Variants in ST6GALNAC3 observed in about 807,000 individuals in gnomAD.
ST6GALNAC3 encodes alpha-N-acetylgalactosaminide alpha-2,6-sialyltransferase 3.
ST6GALNAC3 carries 25 observed loss-of-function variants against 32.7 expected under a neutral mutation model. The ratio of observed to expected loss-of-function variants is 0.76; its 90% CI spans 0.56 to 1.07. ST6GALNAC3 has a LOEUF of 1.07. Among genes scored for constraint, ST6GALNAC3 ranks in the 50% least tolerant of loss-of-function variants. The pLI is 0.00. For synonymous variants in ST6GALNAC3, 129 were observed against 133.1 expected (o/e 0.97, Z 0.21); for missense variants, 355 against 382.4 (o/e 0.93, Z 0.60).
intron 3 of ST6GALNAC3, among the ~76,000 whole-genome samples, chr1:76,468,797 G>A (rs1658823710): frequency 6.6e-6 from 1 of 151,988 alleles, no homozygotes; most frequent in Non-Finnish European, 1.5e-5. Context: ...TTTGGCAATA[G>A]CAAAAACTAT....
intron 2 of ST6GALNAC3, among the ~76,000 whole-genome samples, chr1:76,361,984 A>AT (rs202173705): frequency 0.25 from 29,696 of 117,246 alleles, 3,634 homozygotes; most frequent in East Asian, 0.67. Context: ...TATCAAAAAA[A>AT]AAAAAAAAAG....
chr1:76,174,546 CCTAT>C (rs1019779318), intron 1 of ST6GALNAC3, among the ~76,000 whole-genome samples: 7 of 151,678 alleles, frequency 4.6e-5, no homozygotes, highest in African/African-American at 9.7e-5. Context: ...TATCTACCTA[CCTAT>C]CTGTCTACCT....
chr1:76,408,494 CCCAATGTTTG>C (rs1485041499), intron 2 of ST6GALNAC3, among the ~76,000 whole-genome samples: 2 of 152,060 alleles, frequency 1.3e-5, no homozygotes, highest in Non-Finnish European at 2.9e-5. Context: ...GGCTGTTGTT[CCCAATGTTTG>C]CCCTCAAGTT....
At chr1:76,618,771 C>T (rs542014520) in intron 3 of ST6GALNAC3, among the ~76,000 whole-genome samples, 1 of 152,068 alleles carries the variant, frequency 6.6e-6, no homozygotes, top group African/African-American at 2.4e-5. Flanking sequence ...AAATGGGAAC[C>T]ATGTGATGCT....
At chr1:76,545,866 T>C (rs1169326204) in intron 3 of ST6GALNAC3, among the ~76,000 whole-genome samples, 1 of 151,982 alleles carries the variant, frequency 6.6e-6, no homozygotes, top group Non-Finnish European at 1.5e-5. Context: ...TCCATGTTGG[T>C]CAGGCTGGTC....
chr1:76,557,335 A>G (rs1664988962), intron 3 of ST6GALNAC3, among the ~76,000 whole-genome samples: 1 of 151,982 alleles, frequency 6.6e-6, no homozygotes, highest in South Asian at 2.1e-4. Flanking sequence ...TTATCCTTTC[A>G]TAGGATTGCT....
At chr1:76,613,039 G>T (rs1648038878) in intron 3 of ST6GALNAC3, among the ~76,000 whole-genome samples, 1 of 152,182 alleles carries the variant, frequency 6.6e-6, no homozygotes, top group Non-Finnish European at 1.5e-5. Context: ...AAAAGCAGGA[G>T]GATGGCCTTG....
At chr1:76,420,210 C>G (rs1654937480) in intron 3 of ST6GALNAC3, among the ~76,000 whole-genome samples, 2 of 152,042 alleles carry the variant, frequency 1.3e-5, no homozygotes, top group Non-Finnish European at 2.9e-5. Flanking sequence ...CCAGGCCCGG[C>G]CATCCTGTTC....
intron 1 of ST6GALNAC3, among the ~76,000 whole-genome samples, chr1:76,258,012 G>C (rs898825756): frequency 6.6e-6 from 1 of 152,076 alleles, no homozygotes; most frequent in Non-Finnish European, 1.5e-5. Flanking sequence ...TTTGTCTCAT[G>C]TGCCCCTGAA....
intron 1 of ST6GALNAC3, among the ~76,000 whole-genome samples, chr1:76,252,561 TA>T (rs1657684245): frequency 6.6e-6 from 1 of 152,046 alleles, no homozygotes; most frequent in Non-Finnish European, 1.5e-5. Context: ...CTTTTTTTTT[TA>T]AATTTCTTGG....
At chr1:76,478,276 C>T (rs1307825989) in intron 3 of ST6GALNAC3, among the ~76,000 whole-genome samples, 1 of 152,192 alleles carries the variant, frequency 6.6e-6, no homozygotes, top group Non-Finnish European at 1.5e-5. Flanking sequence ...ACTCACCTTG[C>T]AGTTGCCATC....
At chr1:76,083,006 A>C (rs1000093163) in intron 1 of ST6GALNAC3, among the ~76,000 whole-genome samples, 1 of 152,194 alleles carries the variant, frequency 6.6e-6, no homozygotes, top group African/African-American at 2.4e-5. Context: ...CTTTTCTGGA[A>C]GGGACTTCTC....
chr1:76,605,229 T>C (rs1172827369), intron 3 of ST6GALNAC3, among the ~76,000 whole-genome samples: 1 of 152,148 alleles, frequency 6.6e-6, no homozygotes. Flanking sequence ...AGATGATATT[T>C]CTGAGTATTA....
At chr1:76,105,902 T>G (rs1326475140) in intron 1 of ST6GALNAC3, among the ~76,000 whole-genome samples, 1 of 152,216 alleles carries the variant, frequency 6.6e-6, no homozygotes, top group African/African-American at 2.4e-5. Context: ...TTAGCTTTTT[T>G]TATGAGAGAC....
At chr1:76,080,278 G>A (rs986071559) in intron 1 of ST6GALNAC3, among the ~76,000 whole-genome samples, 6 of 148,644 alleles carry the variant, frequency 4.0e-5, no homozygotes, top group African/African-American at 1.5e-4. Flanking sequence ...TTTGCTGAAT[G>A]TATCAGTGGT....
At chr1:76,560,224 A>G (rs72678096) in intron 3 of ST6GALNAC3, among the ~76,000 whole-genome samples, 6,380 of 152,282 alleles carry the variant, frequency 0.042, 187 homozygotes, top group Non-Finnish European at 0.062. Context: ...ACCTCAAACT[A>G]TAAAACCACT....
rs1351038236 is a variant in ST6GALNAC3, at chr1:76,628,941, A to T, written c.*135A>T. The T allele has an allele frequency of 6.8e-7, 1 of 1,478,142 alleles. No individual in the cohort carries two copies. Among genetic ancestry groups the T allele is most frequent in the Non-Finnish European group, 8.9e-7 (1 of 1,125,498 alleles). 91.6% of individuals were successfully genotyped at this position (1,478,142 alleles called of 1,614,324 possible). ...TTATCAAGTTCCTGTACACTCTCAG[A>T]TGTGGATGGTGACTCTGCTAGTAAT... On this transcript the variant is annotated 3_prime_UTR_variant, in exon 5 of 5. Coordinates refer to ENST00000328299, the MANE Select transcript of ST6GALNAC3 (RefSeq NM_152996.4).
At chr1:76,584,798 C>G (rs2100558752) in intron 3 of ST6GALNAC3, among the ~76,000 whole-genome samples, 1 of 152,296 alleles carries the variant, frequency 6.6e-6, no homozygotes, top group Non-Finnish European at 1.5e-5. Context: ...TTGAATTGAG[C>G]TTTCTCAAAG....
intron 3 of ST6GALNAC3, among the ~76,000 whole-genome samples, chr1:76,595,176 G>A (rs1051106523): frequency 1.3e-5 from 2 of 152,138 alleles, no homozygotes. Flanking sequence ...CCTTGCTTTT[G>A]TTTAGTACAG....
Sources: allele counts gnomAD v4.1 joint callset (sites outside exome capture counted in the v4.1 genomes callset), GRCh38; gene constraint gnomAD v4.1.1; transcripts MANE v1.5; gene names NCBI Gene and HGNC (gene_info 2026-07-23, HGNC 2026-07-21).